The following KSR2 variants were observed in gnomAD, a reference collection of about 807,000 sequenced individuals.
KSR2 encodes the protein kinase suppressor of ras 2.
Under a neutral mutation model 107.8 loss-of-function variants are expected in KSR2, and 25 were observed. The ratio of observed to expected loss-of-function variants is 0.23; its 90% CI spans 0.17 to 0.32. The LOEUF is 0.32. KSR2 is among the 10% of genes least tolerant of loss of function. The probability of loss-of-function intolerance (pLI) is 1.00; values close to 1 mark genes in which losing one functional copy is unlikely to be tolerated. For missense variants in KSR2, 887 were observed against 1,268.9 expected, an observed-to-expected ratio of 0.70 and a Z score of 4.57; for synonymous variants, 480 against 507.0, an observed-to-expected ratio of 0.95 and a Z score of 0.71.
chr12:117,483,908 T>C (rs907372315), intron 16 of KSR2, among the ~76,000 whole-genome samples: 33 of 152,220 alleles, frequency 2.2e-4, no homozygotes, highest in African/African-American at 7.7e-4. Context: ...CTACCACTTT[T>C]CTTGCAGACA....
chr12:117,860,526 C>T lies in KSR2; in HGVS notation c.181-95G>A, dbSNP rs1893256802. The T allele has an allele frequency of 4.1e-6, 5 of 1,206,972 alleles. No homozygotes were observed. The African/African-American group carries it at 6.1e-5, about 15-fold the overall frequency. The allele number at this position is 1,206,972 out of a possible 1,614,324, so 74.8% of individuals were successfully genotyped here. A position where few individuals can be genotyped will look rare whatever the true frequency, so the allele number is the denominator to read the frequency against. On this transcript the variant is annotated intron_variant, in intron 1 of 19. Transcript: ENST00000339824. ...CCCCTACGAACCCCCACCCTAAACC[C>T]AGCCAACTCTATTTTAAAGACTGGT...
intron 5 of KSR2, among the ~76,000 whole-genome samples, chr12:117,624,350 G>A (rs1882354479): frequency 6.6e-6 from 1 of 152,070 alleles, no homozygotes; most frequent in South Asian, 2.1e-4. Flanking sequence ...GGGTTTTTAT[G>A]GTTTTAGGTC....
chr12:117,877,574 T>C (rs1893898238), intron 1 of KSR2, among the ~76,000 whole-genome samples: 1 of 152,210 alleles, frequency 6.6e-6, no homozygotes, highest in South Asian at 2.1e-4. Flanking sequence ...CTAAGTGCTT[T>C]ATGAATATTA....
chr12:117,943,500 C>CAAAAAA (rs35125662), intron 1 of KSR2, among the ~76,000 whole-genome samples: 2 of 52,946 alleles, frequency 3.8e-5, no homozygotes, highest in African/African-American at 8.1e-5. Context: ...TCCACCTAGC[C>CAAAAAA]AAAAAAAAAA....
At chr12:117,663,490 C>A (rs1383620598) in intron 5 of KSR2, among the ~76,000 whole-genome samples, 2 of 152,170 alleles carry the variant, frequency 1.3e-5, no homozygotes, top group Non-Finnish European at 2.9e-5. Flanking sequence ...TTGTTGCAAG[C>A]CACTTCATCA....
intron 14 of KSR2, among the ~76,000 whole-genome samples, chr12:117,492,509 G>A (rs1388294636): frequency 2.0e-5 from 3 of 152,172 alleles, no homozygotes; most frequent in Admixed American, 6.5e-5. Context: ...AAGCCCCCAC[G>A]ACCTTGGGGC....
At chr12:117,716,989 G>A (rs1016118089) in intron 4 of KSR2, among the ~76,000 whole-genome samples, 1 of 152,164 alleles carries the variant, frequency 6.6e-6, no homozygotes, top group African/African-American at 2.4e-5. Context: ...GATGCTCATA[G>A]TTTGACTTTT....
intron 9 of KSR2, among the ~76,000 whole-genome samples, chr12:117,549,594 A>T (rs1877141755): frequency 6.6e-6 from 1 of 152,162 alleles, no homozygotes; most frequent in South Asian, 2.1e-4. Flanking sequence ...GCCCCTCAGT[A>T]AATGTGTGCT....
At chr12:117,534,410 C>A (rs1244859263) in intron 10 of KSR2, among the ~76,000 whole-genome samples, 1 of 152,118 alleles carries the variant, frequency 6.6e-6, no homozygotes, top group Non-Finnish European at 1.5e-5. Context: ...AAAACTCAGC[C>A]ATCCAGTGAC....
intron 1 of KSR2, among the ~76,000 whole-genome samples, chr12:117,911,795 TCTCAATC>T (rs1225505485): frequency 7.8e-5 from 6 of 77,106 alleles, no homozygotes; most frequent in African/African-American, 3.5e-4. Flanking sequence ...GATCGCAAAC[TCTCAATC>T]GCTACAGGCA....
chr12:117,623,306 T>C (rs1593062144), intron 5 of KSR2, among the ~76,000 whole-genome samples: 1 of 152,214 alleles, frequency 6.6e-6, no homozygotes. Flanking sequence ...TAGGTATACA[T>C]GTGACTTGTT....
intron 3 of KSR2, among the ~76,000 whole-genome samples, chr12:117,771,734 G>A (rs1832675651): frequency 6.6e-6 from 1 of 152,140 alleles, no homozygotes; most frequent in Non-Finnish European, 1.5e-5. Flanking sequence ...CATGGCTAAA[G>A]TCTTATAGTT....
intron 5 of KSR2, among the ~76,000 whole-genome samples, chr12:117,625,788 A>C (rs76488560): frequency 1.4e-4 from 21 of 152,234 alleles, no homozygotes; most frequent in Non-Finnish European, 2.5e-4. Flanking sequence ...GTACCAGCTC[A>C]TCTTTGTACC....
chr12:117,861,401 T>C (rs1412473204), intron 1 of KSR2, among the ~76,000 whole-genome samples: 7 of 140,216 alleles, frequency 5.0e-5, no homozygotes, highest in Non-Finnish European at 9.2e-5. Context: ...TTTTTTTTTT[T>C]TTTTTGAGAT....
At chr12:117,705,006 T>C (rs1886467159) in intron 4 of KSR2, among the ~76,000 whole-genome samples, 1 of 152,088 alleles carries the variant, frequency 6.6e-6, no homozygotes, top group African/African-American at 2.4e-5. Context: ...CACAAATATT[T>C]ATTAAGGGAC....
chr12:117,499,183 A>G (rs1873218691), intron 14 of KSR2, among the ~76,000 whole-genome samples: 1 of 152,174 alleles, frequency 6.6e-6, no homozygotes, highest in African/African-American at 2.4e-5. Context: ...TTATTTTTCA[A>G]CTCAACAGTA....
chr12:117,677,995 C>T (rs555905569), intron 4 of KSR2, among the ~76,000 whole-genome samples: 14 of 152,100 alleles, frequency 9.2e-5, no homozygotes, highest in South Asian at 2.1e-4. Flanking sequence ...AGGGCAGTGG[C>T]GTGATCTTGG....
intron 4 of KSR2, among the ~76,000 whole-genome samples, chr12:117,668,080 G>A (rs74551908): frequency 0.016 from 2,433 of 152,298 alleles, 65 homozygotes; most frequent in African/African-American, 0.057. Flanking sequence ...GTCCTCAAGT[G>A]AGTCCAGATC....
intron 3 of KSR2, 95 bp downstream of exon 3, chr12:117,855,333 G>T: frequency 6.5e-7 from 1 of 1,532,948 alleles, no homozygotes. Context: ...ACTCTGTCTC[G>T]TCCTGGCCTG....
Sources: allele counts gnomAD v4.1 joint callset (sites outside exome capture counted in the v4.1 genomes callset), GRCh38; gene constraint gnomAD v4.1.1; transcripts MANE v1.5; gene names NCBI Gene and HGNC (gene_info 2026-07-23, HGNC 2026-07-21).